DPP6: variants seen among roughly 807,000 people sequenced by gnomAD.
DPP6 encodes A-type potassium channel modulatory protein DPP6.
A neutral mutation model predicts 122.6 loss-of-function variants in DPP6; 69 were observed. The observed-to-expected ratio is 0.56, with a 90% CI of 0.46 to 0.69. The LOEUF is 0.69. Among genes scored for constraint, DPP6 ranks in the 30% least tolerant of loss-of-function variants. The pLI is 0.00. For synonymous variants in DPP6, 418 were observed against 433.1 expected, an observed-to-expected ratio of 0.97 and a Z score of 0.43; for missense variants, 928 against 1,116.9, an observed-to-expected ratio of 0.83 and a Z score of 2.41.
chr7:153,987,295 A>G (rs1473989875), intron 1 of DPP6, among the ~76,000 whole-genome samples: 2 of 152,226 alleles, frequency 1.3e-5, no homozygotes, highest in African/African-American at 2.4e-5. Flanking sequence ...GACAGCTTCT[A>G]GTACCATGCC....
chr7:154,622,847 C>A (rs1180951691), intron 5 of DPP6, among the ~76,000 whole-genome samples: 1 of 152,194 alleles, frequency 6.6e-6, no homozygotes, highest in Non-Finnish European at 1.5e-5. Flanking sequence ...CTGTTAGATT[C>A]CAGAACCTTC....
chr7:154,029,440 C>A (rs1233503815), intron 1 of DPP6, among the ~76,000 whole-genome samples: 1 of 151,778 alleles, frequency 6.6e-6, no homozygotes, highest in Non-Finnish European at 1.5e-5. Context: ...TGGCGTGAAC[C>A]TGGGAGGCAG....
chr7:154,796,757 C>T (rs889911540), intron 12 of DPP6, among the ~76,000 whole-genome samples: 1 of 152,194 alleles, frequency 6.6e-6, no homozygotes, highest in Non-Finnish European at 1.5e-5. Flanking sequence ...CCATGGCTCT[C>T]CAAGAACATT....
chr7:154,639,938 G>GT (rs1317244671), intron 6 of DPP6, among the ~76,000 whole-genome samples: 1 of 152,046 alleles, frequency 6.6e-6, no homozygotes, highest in Non-Finnish European at 1.5e-5. Context: ...GAGTCTCAGC[G>GT]TAAGTCAGGC....
At chr7:153,833,295 C>T in the DPP6 span, among the ~76,000 whole-genome samples, 1 of 152,184 alleles carries the variant, frequency 6.6e-6, no homozygotes, top group African/African-American at 2.4e-5. Flanking sequence ...ATGTCATACG[C>T]AATCTAAAAC....
chr7:154,003,935 C>T (rs1254302273), intron 1 of DPP6, among the ~76,000 whole-genome samples: 1 of 152,208 alleles, frequency 6.6e-6, no homozygotes, highest in Non-Finnish European at 1.5e-5. Context: ...TAGGCTCTAT[C>T]CCTTTTGCAG....
At chr7:154,195,496 C>T (rs574309494) in intron 1 of DPP6, among the ~76,000 whole-genome samples, 4 of 151,970 alleles carry the variant, frequency 2.6e-5, no homozygotes, top group Admixed American at 6.6e-5. Flanking sequence ...TGCCATTGGC[C>T]GGCAGCCTGT....
At chr7:154,365,926 C>A (rs1289814758) in intron 1 of DPP6, among the ~76,000 whole-genome samples, 4 of 145,220 alleles carry the variant, frequency 2.8e-5, no homozygotes, top group African/African-American at 5.2e-5. Flanking sequence ...CCACTGCGTT[C>A]CAGCCTGGGC....
chr7:154,545,972 C>G (rs1829152972), intron 4 of DPP6, among the ~76,000 whole-genome samples: 1 of 152,084 alleles, frequency 6.6e-6, no homozygotes, highest in African/African-American at 2.4e-5. Context: ...TGGAAAGCAA[C>G]TTAGTGATAC....
intron 1 of DPP6, among the ~76,000 whole-genome samples, chr7:154,286,365 A>G (rs758493646): frequency 6.6e-6 from 1 of 152,158 alleles, no homozygotes; most frequent in Non-Finnish European, 1.5e-5. Flanking sequence ...CAGGACAGAC[A>G]TTGAGGCTTA....
intron 1 of DPP6, among the ~76,000 whole-genome samples, chr7:154,353,318 G>A (rs1412631254): frequency 1.3e-5 from 2 of 152,154 alleles, no homozygotes; most frequent in Non-Finnish European, 2.9e-5. Context: ...CAGTTGTTCT[G>A]AATCTTTTGA....
At chr7:154,685,184 T>G (rs985647802) in intron 7 of DPP6, among the ~76,000 whole-genome samples, 6 of 152,204 alleles carry the variant, frequency 3.9e-5, no homozygotes, top group Admixed American at 2.6e-4. Context: ...TTTCCCCTCC[T>G]GTCTCATAAA....
At chr7:154,155,240 G>C (rs571094189) in intron 1 of DPP6, among the ~76,000 whole-genome samples, 1 of 152,328 alleles carries the variant, frequency 6.6e-6, no homozygotes, top group South Asian at 2.1e-4. Flanking sequence ...CTGGGCATTG[G>C]GTAAGGGTTT....
At chr7:154,639,143 G>C (rs1025998155) in intron 6 of DPP6, among the ~76,000 whole-genome samples, 3 of 152,160 alleles carry the variant, frequency 2.0e-5, no homozygotes, top group Non-Finnish European at 2.9e-5. Flanking sequence ...ATACAGGCAA[G>C]TCCTTGGAAA....
intron 1 of DPP6, among the ~76,000 whole-genome samples, chr7:154,001,997 T>TAA (rs1400408387): frequency 1.3e-5 from 2 of 152,090 alleles, no homozygotes; most frequent in Admixed American, 6.5e-5. Flanking sequence ...TTTTGGTACT[T>TAA]ACCATTTACG....
intron 3 of DPP6, among the ~76,000 whole-genome samples, chr7:154,528,879 G>T (rs1258977366): frequency 6.6e-6 from 1 of 152,208 alleles, no homozygotes; most frequent in Non-Finnish European, 1.5e-5. Flanking sequence ...AGCAGTGTGA[G>T]GGAGTGCAGA....
chr7:153,900,258 C>A (rs1799589040), intron 1 of DPP6, among the ~76,000 whole-genome samples: 1 of 150,658 alleles, frequency 6.6e-6, no homozygotes, highest in Non-Finnish European at 1.5e-5. Flanking sequence ...TTTTTCTGAG[C>A]CCTACAAACT....
rs370855338 is a variant in DPP6 at position 154,548,106 on chromosome 7, G to A, written c.552+7480G>A. Among the ~76,000 whole-genome samples, 86 of 152,262 alleles carry A rather than the reference G, an allele frequency of 5.6e-4. 4 individuals carry two copies. In the South Asian group the frequency reaches 0.012, roughly 21 times the overall value. ...CGCCTGTAATCCCAGCTACTCAGGA[G>A]GCTGAGGCAGGAGAATTGCGTGAAC... On this transcript the variant is annotated intron_variant, in intron 4 of 25. Coordinates refer to ENST00000377770, the MANE Select transcript of DPP6 (RefSeq NM_130797.4).
At chr7:154,021,921 C>T (rs1172689641) in intron 1 of DPP6, among the ~76,000 whole-genome samples, 2 of 152,166 alleles carry the variant, frequency 1.3e-5, no homozygotes, top group African/African-American at 2.4e-5. Context: ...GGACACAATC[C>T]AGAAATAATG....
Sources: gnomAD v4.1 joint callset for allele counts (sites outside exome capture counted in the v4.1 genomes callset) on GRCh38, gnomAD v4.1.1 for gene constraint, MANE v1.5 for transcripts, NCBI Gene and HGNC (gene_info 2026-07-23, HGNC 2026-07-21) for gene names.